SFXN2: variants seen among roughly 807,000 people sequenced by gnomAD.
SFXN2 encodes sideroflexin 2.
SFXN2 carries 37 observed loss-of-function variants against 41.9 expected under a neutral mutation model. That is an observed-to-expected ratio of 0.88 (90% CI 0.68 to 1.16). The LOEUF is 1.16. Among genes scored for constraint, SFXN2 ranks in the 50% most tolerant of loss-of-function variants. The probability of loss-of-function intolerance (pLI) is 0.00; values close to 1 mark genes in which losing one functional copy is unlikely to be tolerated. For synonymous variants in SFXN2, 150 were observed against 156.7 expected, an observed-to-expected ratio of 0.96 and a Z score of 0.32; for missense variants, 386 against 425.2, an observed-to-expected ratio of 0.91 and a Z score of 0.81.
chr10:102,732,282 A>C, intron 8 of SFXN2, 64 bp downstream of exon 8: 2 of 1,483,032 alleles, frequency 1.3e-6, no homozygotes, highest in Non-Finnish European at 1.9e-6. Flanking sequence ...TCTCAGCCAC[A>C]CTCAGCTTTT....
At position 102,740,652 on chromosome 10, in the gene SFXN2, T is replaced by G. The variant is rs183300128; in HGVS notation, c.*2890T>G. 6.6e-6 allele frequency: 1 copy of G among 152,334 alleles called. No homozygotes were observed. The highest frequency in any genetic ancestry group is 6.5e-5 in the Admixed American group (1 of 15,294). 9.4% of individuals were successfully genotyped at this position (152,334 alleles called of 1,614,324 possible). A position where few individuals can be genotyped will look rare whatever the true frequency, so the allele number is the denominator to read the frequency against. ...ATTTGCGTATTCTGAACATTTCATG[T>G]AAGTGGAGTAATGCAGTATGTGGCC... On this transcript the variant is annotated 3_prime_UTR_variant, in exon 12 of 12. Coordinates refer to ENST00000369893, the MANE Select transcript of SFXN2 (RefSeq NM_178858.6).
rs1332381088 is a variant in SFXN2, at chr10:102,734,955, A to G, written c.822-907A>G. On this transcript the variant is annotated intron_variant, in intron 10 of 11. Transcript: ENST00000369893. The surrounding 1 kb of genome is among the most constrained non-coding windows in gnomAD (Gnocchi z 4.1). ...CATTTTAATAAGCTCCTGAAGTTAT[A>G]TGCACAGTGAAGCTGGAGAAACTGC... is the stretch of plus-strand genomic sequence containing the variant. Among the ~76,000 whole-genome samples, 1 of 152,106 alleles carries G rather than the reference A, an allele frequency of 6.6e-6. No individual in the cohort carries two copies. The highest frequency in any genetic ancestry group is 1.5e-5 in the Non-Finnish European group (1 of 68,020).
chr10:102,729,301 A>ATC lies in SFXN2; in HGVS notation c.432-11_432-10dup. 1 of 1,613,188 alleles carries ATC rather than the reference A, an allele frequency of 6.2e-7. No individual in the cohort carries two copies. Among genetic ancestry groups the ATC allele is most frequent in the Non-Finnish European group, 8.5e-7 (1 of 1,179,330 alleles). ...GCCGGCAGGGGCCCCACTCCCAAGC[A>ATC]TCTCTCTCCTCCCCCAGGCAGATGG... On this transcript the variant is annotated splice_polypyrimidine_tract_variant and intron_variant, in intron 4 of 11. Coordinates refer to ENST00000369893, the MANE Select transcript of SFXN2 (RefSeq NM_178858.6).
intron 11 of SFXN2, among the ~76,000 whole-genome samples, chr10:102,736,600 A>G (rs2064783148): frequency 6.6e-6 from 1 of 151,952 alleles, no homozygotes; most frequent in Admixed American, 6.5e-5. Context: ...TATTTTTAGT[A>G]GAGACGGGGT....
rs770461782 is a variant in SFXN2, at chr10:102,727,023, G to A, written c.198G>A (p.Gln66=). 114 of 1,604,230 alleles carry A rather than the reference G, an allele frequency of 7.1e-5. No homozygotes were observed. The highest frequency in any genetic ancestry group is 9.6e-5 in the Non-Finnish European group (113 of 1,172,104). ...TGCCCCCAGGCACCCAAGTGGAGCAGCTGCTGTATGCCAAGAAGCTGTATG... is the reference window on the plus strand; with the variant it reads ...TGCCCCCAGGCACCCAAGTGGAGCAACTGCTGTATGCCAAGAAGCTGTATG... ...GVVPPGTQVE[Q]LLYAKKLYDS... Residue 66 remains glutamine (Q), a synonymous_variant, in exon 3 of 12, where the codon CAG becomes CAA. Transcript: ENST00000369893.
rs1372552627 is a variant in SFXN2, at chr10:102,729,409, C to A, written c.507+15C>A. On this transcript the variant is annotated intron_variant, in intron 5 of 11. Transcript: ENST00000369893. ...TGTTGACAAAGGTATGGTCTGGGGC[C>A]GCTGCAGCATGGTGGCCACGCGGGG... is the stretch of plus-strand genomic sequence containing the variant. 8 of 1,613,634 alleles carry A rather than the reference C, an allele frequency of 5.0e-6. No homozygotes were observed. The African/African-American group carries it at 1.1e-4, about 22-fold the overall frequency.
At chr10:102,718,099 G>A (rs934880815) in intron 1 of SFXN2, among the ~76,000 whole-genome samples, 3 of 152,172 alleles carry the variant, frequency 2.0e-5, no homozygotes, top group African/African-American at 7.2e-5. Context: ...TTTTGTTTTG[G>A]CTTTATGTTT....
chr10:102,720,527 G>C (rs1449680920), intron 1 of SFXN2, among the ~76,000 whole-genome samples: 1 of 151,602 alleles, frequency 6.6e-6, no homozygotes, highest in Non-Finnish European at 1.5e-5. Context: ...AGGATCGTTT[G>C]AGCCTGGGAG....
rs867529788 is a variant in SFXN2, at chr10:102,727,229, A to G, written c.332+72A>G. 2.6e-5 allele frequency: 37 copies of G among 1,448,254 alleles called. No homozygotes were observed. The Middle Eastern group carries it at 2.3e-3, about 89-fold the overall frequency. The allele number at this position is 1,448,254 out of a possible 1,614,324, so 89.7% of individuals were successfully genotyped here. On this transcript the variant is annotated intron_variant, in intron 3 of 11. Coordinates refer to ENST00000369893, the MANE Select transcript of SFXN2 (RefSeq NM_178858.6). Reference sequence around the variant, plus strand: ...GCTGGTCAGGGAGCCATACTATGATAATAATAATAGTTCTCTTGATTGGTC... The same window carrying G: ...GCTGGTCAGGGAGCCATACTATGATGATAATAATAGTTCTCTTGATTGGTC...
At chr10:102,731,097 A>C (rs552908373) in intron 6 of SFXN2, among the ~76,000 whole-genome samples, 13 of 151,180 alleles carry the variant, frequency 8.6e-5, no homozygotes, top group African/African-American at 1.9e-4. Flanking sequence ...CAAAAAAAAA[A>C]CCAAAAAACA....
At chr10:102,736,459 G>A (rs960232018) in intron 11 of SFXN2, among the ~76,000 whole-genome samples, 4 of 137,296 alleles carry the variant, frequency 2.9e-5, no homozygotes, top group East Asian at 4.4e-4. Context: ...GTTTCACTCC[G>A]TCGCCAGGCT....
rs1020094621 is a variant in SFXN2, at chr10:102,741,616, G to A, written c.*3854G>A. On this transcript the variant is annotated 3_prime_UTR_variant, in exon 12 of 12. Transcript: ENST00000369893. ...CAGAGGGCCTCACTATGTTTCCCAG[G>A]TTGGTCTTGAACCCCTGACCTCAAG... 6.6e-6 allele frequency: 1 copy of A among 152,224 alleles called. No homozygotes were observed. Among genetic ancestry groups the A allele is most frequent in the African/African-American group, 2.4e-5 (1 of 41,450 alleles). The allele number at this position is 152,224 out of a possible 1,614,324, so 9.4% of individuals were successfully genotyped here.
intron 1 of SFXN2, among the ~76,000 whole-genome samples, chr10:102,722,739 G>C (rs2064526305): frequency 6.6e-6 from 1 of 151,828 alleles, no homozygotes; most frequent in South Asian, 2.1e-4. Flanking sequence ...TATAGAGACA[G>C]GGTCTCACTC....
At position 102,739,889 on chromosome 10, in the gene SFXN2, G is replaced by A. The variant is rs1419926338; in HGVS notation, c.*2127G>A. On this transcript the variant is annotated 3_prime_UTR_variant, in exon 12 of 12. Coordinates refer to ENST00000369893, the MANE Select transcript of SFXN2 (RefSeq NM_178858.6). The stretch of plus-strand genomic sequence containing the variant: ...GATTGCGCCACTGCACTCCAACCTG[G>A]GCGACTCCGTCTCAAAAAAAAAAAA... 1 of 149,268 alleles carries A rather than the reference G, an allele frequency of 6.7e-6. No homozygotes were observed. The highest frequency in any genetic ancestry group is 2.5e-5 in the African/African-American group (1 of 40,394). The allele number at this position is 149,268 out of a possible 1,614,324, so 9.2% of individuals were successfully genotyped here.
intron 4 of SFXN2, 33 bp from the exon 5 acceptor site, chr10:102,729,286 G>A: frequency 1.2e-6 from 2 of 1,609,960 alleles, no homozygotes; most frequent in African/African-American, 1.3e-5. Flanking sequence ...GCCGGCAGGG[G>A]CCCCACTCCC....
chr10:102,738,299 CTT>C lies in SFXN2; in HGVS notation c.*550_*551del, dbSNP rs540808803. On this transcript the variant is annotated 3_prime_UTR_variant, in exon 12 of 12. Coordinates refer to ENST00000369893, the MANE Select transcript of SFXN2 (RefSeq NM_178858.6). ...TCGTTGCCCCCTGGTCAGGCAGCTT[CTT>C]TTTTTTTTTTTTCAAGATGGAGTCT... 8.4e-5 allele frequency: 12 copies of C among 143,612 alleles called. No individual in the cohort carries two copies. Among genetic ancestry groups the C allele is most frequent in the Non-Finnish European group, 1.2e-4 (8 of 65,288 alleles). 8.9% of individuals were successfully genotyped at this position (143,612 alleles called of 1,614,324 possible).
chr10:102,719,106 G>A (rs1166386088), intron 1 of SFXN2, among the ~76,000 whole-genome samples: 2 of 142,182 alleles, frequency 1.4e-5, no homozygotes, highest in African/African-American at 5.2e-5. Flanking sequence ...TGTATTTTTA[G>A]TAGAGACAGG....
chr10:102,729,821 C>T lies in SFXN2; in HGVS notation c.593+13C>T, dbSNP rs750150623. 1.9e-6 allele frequency: 3 copies of T among 1,613,128 alleles called. No individual in the cohort carries two copies. Among genetic ancestry groups the T allele is most frequent in the African/African-American group, 2.7e-5 (2 of 74,878 alleles). ...TGATGCGACAGCAGTGAGTAAAGGC[C>T]CCTTTTTCTCCCTACAAACCACAAG... On this transcript the variant is annotated intron_variant, in intron 6 of 11. Coordinates refer to ENST00000369893, the MANE Select transcript of SFXN2 (RefSeq NM_178858.6).
chr10:102,728,972 A>G (rs1013111076), intron 4 of SFXN2, among the ~76,000 whole-genome samples: 3 of 152,162 alleles, frequency 2.0e-5, no homozygotes, highest in African/African-American at 4.8e-5. Context: ...GTGTCTGTGT[A>G]GTTAGGCCAC....
Sources: allele counts gnomAD v4.1 joint callset (sites outside exome capture counted in the v4.1 genomes callset), GRCh38; gene constraint gnomAD v4.1.1; non-coding constraint Gnocchi (gnomAD v3.1); transcripts MANE v1.5; gene names NCBI Gene and HGNC (gene_info 2026-07-23, HGNC 2026-07-21).